LPP: variants seen among roughly 807,000 people sequenced by gnomAD.
The protein encoded by LPP is lipoma-preferred partner.
LPP carries 38 observed loss-of-function variants against 60.4 expected under a neutral mutation model. The observed-to-expected ratio is 0.63, with a 90% CI of 0.49 to 0.83. The LOEUF (loss-of-function observed/expected upper bound fraction) is 0.83, where lower values mean the gene tolerates loss of function less well. LPP is among the 40% of genes least tolerant of loss of function. The probability of loss-of-function intolerance (pLI) is 0.00; values close to 1 mark genes in which losing one functional copy is unlikely to be tolerated. For synonymous variants in LPP, 328 were observed against 290.8 expected, an observed-to-expected ratio of 1.13 and a Z score of -1.30; for missense variants, 902 against 783.6, an observed-to-expected ratio of 1.15 and a Z score of -1.80.
intron 2 of LPP, among the ~76,000 whole-genome samples, chr3:188,296,753 C>T (rs1002174849): frequency 1.8e-4 from 27 of 152,228 alleles, no homozygotes; most frequent in African/African-American, 6.5e-4. Flanking sequence ...CACTCAATAA[C>T]TCCCATTTAG....
chr3:188,470,891 A>G (rs766594358), intron 4 of LPP, among the ~76,000 whole-genome samples: 4 of 152,166 alleles, frequency 2.6e-5, no homozygotes, highest in Non-Finnish European at 5.9e-5. Context: ...CTCAAAGGAT[A>G]CATACTCACC....
At position 188,889,771 on chromosome 3, in the gene LPP, T is replaced by C. The variant is rs1276295158; in HGVS notation, c.*15292T>C. 2 of 218,002 alleles carry C rather than the reference T, an allele frequency of 9.2e-6. No homozygotes were observed. The highest frequency in any genetic ancestry group is 2.2e-5 in the African/African-American group (1 of 44,568). 13.5% of individuals were successfully genotyped at this position (218,002 alleles called of 1,614,324 possible). ...GAGTGTGACCACCCTGCTCTAGTCA[T>C]CATCATTGGATGAATCCAGTTGACT... is the stretch of plus-strand genomic sequence containing the variant. On this transcript the variant is annotated 3_prime_UTR_variant, in exon 12 of 12. Coordinates refer to ENST00000617246, the MANE Select transcript of LPP (RefSeq NM_001375462.1).
intron 4 of LPP, among the ~76,000 whole-genome samples, chr3:188,449,161 A>G (rs946312181): frequency 1.3e-5 from 2 of 152,222 alleles, no homozygotes; most frequent in African/African-American, 4.8e-5. Flanking sequence ...ACATGATTCC[A>G]TGAATATTTC....
intron 8 of LPP, among the ~76,000 whole-genome samples, chr3:188,736,284 A>T (rs1273308586): frequency 6.6e-6 from 1 of 152,190 alleles, no homozygotes; most frequent in Non-Finnish European, 1.5e-5. Context: ...AAGAAAAAAT[A>T]TGTAAGAATA....
intron 9 of LPP, among the ~76,000 whole-genome samples, chr3:188,813,476 G>A (rs1400949064): frequency 6.6e-6 from 1 of 152,134 alleles, no homozygotes; most frequent in Non-Finnish European, 1.5e-5. Context: ...AAGGCTACGG[G>A]TAGTGATAAA....
intron 6 of LPP, among the ~76,000 whole-genome samples, chr3:188,583,305 A>G (rs991882655): frequency 6.6e-6 from 1 of 152,144 alleles, no homozygotes; most frequent in East Asian, 1.9e-4. Flanking sequence ...GCACCATGCT[A>G]TAGTCACACA....
At chr3:188,499,896 T>C (rs1337824638) in intron 5 of LPP, among the ~76,000 whole-genome samples, 1 of 152,158 alleles carries the variant, frequency 6.6e-6, no homozygotes, top group Non-Finnish European at 1.5e-5. Flanking sequence ...ATGATTTGCT[T>C]AATTTCCTTT....
intron 9 of LPP, among the ~76,000 whole-genome samples, chr3:188,827,660 A>G (rs1277763088): frequency 1.3e-5 from 2 of 152,146 alleles, no homozygotes; most frequent in Admixed American, 6.5e-5. Flanking sequence ...GTGCCCCATC[A>G]GTAGAAGGAG....
At chr3:188,170,230 C>G (rs1721155912) in intron 1 of LPP, among the ~76,000 whole-genome samples, 1 of 152,120 alleles carries the variant, frequency 6.6e-6, no homozygotes, top group Admixed American at 6.6e-5. Context: ...TGATTCACGT[C>G]TGTAAGACAT....
intron 4 of LPP, among the ~76,000 whole-genome samples, chr3:188,441,609 C>CTTTTCTTTTTTTTTTTT (rs1793896698): frequency 5.4e-5 from 3 of 55,670 alleles, no homozygotes; most frequent in African/African-American, 2.2e-4. Context: ...CTTTTCTTTT[C>CTTTTCTTTTTTTTTTTT]TTTTTTTTTT....
Position 188,883,109 on chromosome 3 carries a change from C to T in LPP, c.*8630C>T. The T allele has an allele frequency of 4.6e-6, 1 of 216,688 alleles. No homozygotes were observed. Among genetic ancestry groups the T allele is most frequent in the Non-Finnish European group, 9.3e-6 (1 of 107,650 alleles). The allele number at this position is 216,688 out of a possible 1,614,324, so 13.4% of individuals were successfully genotyped here. A position where few individuals can be genotyped will look rare whatever the true frequency, so the allele number is the denominator to read the frequency against. On this transcript the variant is annotated 3_prime_UTR_variant, in exon 12 of 12. Transcript: ENST00000617246. Reference sequence around the variant, plus strand: ...CTACACGACTTTAAAACAGAGCCAGCCTTTGGGGCATATGTTCTCTTTGGT... The same window carrying T: ...CTACACGACTTTAAAACAGAGCCAGTCTTTGGGGCATATGTTCTCTTTGGT...
chr3:188,351,507 G>T (rs138279899), intron 3 of LPP, among the ~76,000 whole-genome samples: 1 of 152,070 alleles, frequency 6.6e-6, no homozygotes, highest in Non-Finnish European at 1.5e-5. Context: ...GGTAATACAG[G>T]TGCTGCTGCT....
rs565499539 is a variant in LPP at position 188,377,800 on chromosome 3, A to G, written c.-9-28312A>G. 2.5e-4 allele frequency among the ~76,000 whole-genome samples: 38 copies of G among 151,944 alleles called. 1 individual carries two copies. The South Asian group carries it at 6.9e-3, about 27-fold the overall frequency. On this transcript the variant is annotated intron_variant, in intron 3 of 11. Coordinates refer to ENST00000617246, the MANE Select transcript of LPP (RefSeq NM_001375462.1). ...TGGCGCTCTGATTTTTAGAGTTTCCAGTTTTTCTGCTCTGTTTTTTTCCCA... is the reference window on the plus strand; with the variant it reads ...TGGCGCTCTGATTTTTAGAGTTTCCGGTTTTTCTGCTCTGTTTTTTTCCCA...
intron 8 of LPP, among the ~76,000 whole-genome samples, chr3:188,731,564 C>T (rs1267498903): frequency 1.3e-5 from 1 of 79,688 alleles, no homozygotes; most frequent in African/African-American, 4.0e-5. Context: ...ACTGTGTCCC[C>T]CAGGCTGGAG....
chr3:188,636,022 C>G (rs948683774), intron 7 of LPP, among the ~76,000 whole-genome samples: 1 of 152,172 alleles, frequency 6.6e-6, no homozygotes, highest in Non-Finnish European at 1.5e-5. Flanking sequence ...AAACAGATCC[C>G]TGGATTATGT....
At chr3:188,645,383 T>A (rs934638497) in intron 7 of LPP, among the ~76,000 whole-genome samples, 1 of 152,292 alleles carries the variant, frequency 6.6e-6, no homozygotes, top group African/African-American at 2.4e-5. Context: ...CAGTCGTCTC[T>A]CCATTTGGAT....
intron 3 of LPP, among the ~76,000 whole-genome samples, chr3:188,401,699 C>A (rs1391824447): frequency 6.6e-6 from 1 of 152,076 alleles, no homozygotes; most frequent in Admixed American, 6.5e-5. Context: ...CATGTGGTAG[C>A]CCCTGGAATT....
At chr3:188,775,429 G>C (rs1288411614) in intron 9 of LPP, among the ~76,000 whole-genome samples, 1 of 152,206 alleles carries the variant, frequency 6.6e-6, no homozygotes, top group Non-Finnish European at 1.5e-5. Context: ...AGTAGGGCCT[G>C]ATGAGTGTTT....
chr3:188,839,904 A>T (rs541906163), intron 9 of LPP, among the ~76,000 whole-genome samples: 32 of 152,310 alleles, frequency 2.1e-4, no homozygotes, highest in South Asian at 1.2e-3. Flanking sequence ...AAATTAAATT[A>T]AATTTAAAAA....
Sources: allele counts gnomAD v4.1 joint callset (sites outside exome capture counted in the v4.1 genomes callset), GRCh38; gene constraint gnomAD v4.1.1; transcripts MANE v1.5; gene names NCBI Gene and HGNC (gene_info 2026-07-23, HGNC 2026-07-21).